The following RIPOR2 variants were observed in gnomAD, a reference collection of about 807,000 sequenced individuals.
The protein encoded by RIPOR2 is RHO family interacting cell polarization regulator 2, also known as rho family-interacting cell polarization regulator 2.
Under a neutral mutation model 114.5 loss-of-function variants are expected in RIPOR2, and 39 were observed. The observed-to-expected ratio is 0.34, with a 90% confidence interval of 0.26 to 0.44. RIPOR2 has a LOEUF of 0.44. RIPOR2 is among the 20% of genes least tolerant of loss of function. RIPOR2 has a pLI of 1.00. For synonymous variants in RIPOR2, 445 were observed against 484.4 expected (o/e 0.92, Z 1.07); for missense variants, 1,007 against 1,255.1 (o/e 0.80, Z 2.99).
chr6:24,830,876 T>C (rs1760622195), intron 16 of RIPOR2, among the ~76,000 whole-genome samples: 1 of 151,980 alleles, frequency 6.6e-6, no homozygotes, highest in African/African-American at 2.4e-5. Flanking sequence ...CCACCACACC[T>C]GGCTAATTTT....
intron 13 of RIPOR2, chr6:24,840,715 C>T: frequency 1.3e-6 from 2 of 1,535,434 alleles, no homozygotes; most frequent in Non-Finnish European, 1.7e-6. Context: ...CATTCACCCT[C>T]AGTGATCTCC....
At position 24,935,929 on chromosome 6, in the gene RIPOR2, G is replaced by C; in HGVS notation, c.-31C>G. ...AGAGGACAGGCGCGAGAAGCAGCAG[G>C]CAGCAGCCCCGGCAGTCTCAGCAGT... is the stretch of plus-strand genomic sequence containing the variant. On this transcript the variant is annotated 5_prime_UTR_variant, in exon 1 of 22. Coordinates refer to ENST00000643898, the MANE Select transcript of RIPOR2 (RefSeq NM_001286445.3). 6.6e-7 allele frequency: 1 copy of C among 1,509,530 alleles called. No individual in the cohort carries two copies. The highest frequency in any genetic ancestry group is 2.5e-5 in the East Asian group (1 of 40,764). The allele number at this position is 1,509,530 out of a possible 1,614,324, so 93.5% of individuals were successfully genotyped here.
chr6:24,884,975 T>G (rs550349437), intron 1 of RIPOR2, among the ~76,000 whole-genome samples: 1 of 152,200 alleles, frequency 6.6e-6, no homozygotes, highest in Non-Finnish European at 1.5e-5. Flanking sequence ...GATATGATAA[T>G]TTTCTTTCCG....
chr6:24,876,132 A>G (rs1765717887), intron 1 of RIPOR2, among the ~76,000 whole-genome samples: 2 of 152,040 alleles, frequency 1.3e-5, no homozygotes, highest in Admixed American at 1.3e-4. Context: ...CTCTACTAAA[A>G]ATACAAAATT....
chr6:24,975,366 C>T (rs575435019), intron 1 of RIPOR2, among the ~76,000 whole-genome samples: 8 of 152,070 alleles, frequency 5.3e-5, no homozygotes, highest in Non-Finnish European at 8.8e-5. Flanking sequence ...ATGTACAGCA[C>T]GGTAAAAAAC....
chr6:25,012,146 T>C (rs1434295232), intron 1 of RIPOR2, among the ~76,000 whole-genome samples: 5 of 152,210 alleles, frequency 3.3e-5, no homozygotes, highest in African/African-American at 2.4e-5. Context: ...CAGAGTCATA[T>C]GTCATCAAGG....
At chr6:24,946,127 G>A (rs1049750397) in intron 1 of RIPOR2, among the ~76,000 whole-genome samples, 14 of 151,622 alleles carry the variant, frequency 9.2e-5, no homozygotes, top group African/African-American at 3.4e-4. Flanking sequence ...CTGTTGCCCA[G>A]GCTGGAGTGC....
At chr6:24,881,454 TGGG>T (rs979940714) in intron 1 of RIPOR2, among the ~76,000 whole-genome samples, 1 of 152,096 alleles carries the variant, frequency 6.6e-6, no homozygotes, top group African/African-American at 2.4e-5. Context: ...CTATAACCAA[TGGG>T]AACAACACAA....
chr6:24,831,187 A>G (rs1760664246), intron 16 of RIPOR2, among the ~76,000 whole-genome samples: 1 of 152,078 alleles, frequency 6.6e-6, no homozygotes, highest in Admixed American at 6.6e-5. Context: ...ATGACGAGGA[A>G]CTCATCCTGC....
intron 1 of RIPOR2, among the ~76,000 whole-genome samples, chr6:24,990,187 TG>T (rs1311874457): frequency 6.6e-6 from 1 of 152,248 alleles, no homozygotes; most frequent in East Asian, 1.9e-4. Context: ...AAATGATGTT[TG>T]TAGTCATATT....
At chr6:24,940,816 A>G (rs183856689), upstream of RIPOR2, among the ~76,000 whole-genome samples, 32 of 152,032 alleles carry the variant, frequency 2.1e-4, no homozygotes, top group Admixed American at 4.6e-4. Context: ...ATGCCCAGCT[A>G]ATTGTTTGTG....
At chr6:24,831,820 C>A (rs1400793378) in intron 16 of RIPOR2, among the ~76,000 whole-genome samples, 1 of 152,186 alleles carries the variant, frequency 6.6e-6, no homozygotes, top group Non-Finnish European at 1.5e-5. Flanking sequence ...CAGGAACTCT[C>A]CTGGAGGCGT....
intron 1 of RIPOR2, among the ~76,000 whole-genome samples, chr6:24,935,160 T>C (rs1285186650): frequency 6.6e-6 from 1 of 151,548 alleles, no homozygotes; most frequent in African/African-American, 2.4e-5. Context: ...ATACAAAAAT[T>C]AGCTGGGCAT....
intron 1 of RIPOR2, among the ~76,000 whole-genome samples, chr6:24,953,108 C>T (rs530404715): frequency 5.9e-5 from 9 of 152,110 alleles, no homozygotes; most frequent in South Asian, 4.2e-4. Context: ...TCAAAGCGGG[C>T]GGATCACCTG....
intron 1 of RIPOR2, among the ~76,000 whole-genome samples, chr6:24,901,916 T>C (rs551348608): frequency 6.6e-6 from 1 of 152,312 alleles, no homozygotes; most frequent in East Asian, 1.9e-4. Context: ...GTGGTTTAAA[T>C]GAGACCATGG....
At chr6:24,921,559 C>G (rs1189440635) in intron 1 of RIPOR2, among the ~76,000 whole-genome samples, 1 of 152,104 alleles carries the variant, frequency 6.6e-6, no homozygotes, top group Non-Finnish European at 1.5e-5. Context: ...ACCTTGACTT[C>G]AAACCTCTGG....
chr6:24,811,382 T>A (rs1470136372), intron 20 of RIPOR2, among the ~76,000 whole-genome samples: 3 of 149,516 alleles, frequency 2.0e-5, no homozygotes, highest in African/African-American at 4.9e-5. Context: ...TACAGGTGTG[T>A]GCCACCATGC....
At chr6:24,985,112 T>C (rs1316567006) in intron 1 of RIPOR2, among the ~76,000 whole-genome samples, 2 of 152,220 alleles carry the variant, frequency 1.3e-5, no homozygotes, top group Non-Finnish European at 2.9e-5. Context: ...CCGTAAACAA[T>C]TCCAAACTGG....
chr6:24,809,778 T>C lies in RIPOR2; in HGVS notation c.2982A>G (p.Thr994=), dbSNP rs1781019408. ...EATESIKMLV[T]LCQSDTEEIR... is the part of the protein sequence containing the mutation. ...TTTCTTCAGTATCAGATTGACACAA[T>C]GTCACCAGCATTTTAATGCTTTCAG... Residue 994 remains threonine, a synonymous_variant, in exon 21 of 22, where the codon ACA becomes ACG. Coordinates refer to ENST00000643898, the MANE Select transcript of RIPOR2 (RefSeq NM_001286445.3). 2.6e-6 allele frequency: 4 copies of C among 1,550,682 alleles called. No individual in the cohort carries two copies. Among genetic ancestry groups the C allele is most frequent in the Admixed American group, 2.0e-5 (1 of 50,978 alleles).
Sources: allele counts gnomAD v4.1 joint callset (sites outside exome capture counted in the v4.1 genomes callset), GRCh38; gene constraint gnomAD v4.1.1; transcripts MANE v1.5; gene names NCBI Gene and HGNC (gene_info 2026-07-23, HGNC 2026-07-21).